The following FAT1 variants were observed in gnomAD, a reference collection of about 807,000 sequenced individuals.
FAT1 encodes the protein protocadherin Fat 1.
FAT1 carries 171 observed loss-of-function variants against 329.8 expected under a neutral mutation model. The observed-to-expected ratio is 0.52, with a 90% CI of 0.46 to 0.59. The LOEUF is 0.59. Among genes scored for constraint, FAT1 ranks in the 20% least tolerant of loss-of-function variants. FAT1 has a pLI of 0.00. For missense variants in FAT1, 5,672 were observed against 5,774.4 expected, an observed-to-expected ratio of 0.98 and a Z score of 0.57; for synonymous variants, 2,233 against 2,228.6, an observed-to-expected ratio of 1.00 and a Z score of -0.06.
chr4:186,611,561 G>A lies in FAT1; in HGVS notation c.9678C>T (p.Asn3226=), dbSNP rs1349541794. ...VIVSVLDIND[N]PPVFEYREYG... ...ATTCACGGTACTCAAACACAGGGGG[G>A]TTGTCATTTATGTCAAGAACTGATA... The change falls in exon 14 of 27, where the codon AAC becomes AAT. Residue 3226 remains asparagine (N), a synonymous_variant. Transcript: ENST00000441802. 2 of 1,613,876 alleles carry A rather than the reference G, an allele frequency of 1.2e-6. No individual in the cohort carries two copies. Among genetic ancestry groups the A allele is most frequent in the South Asian group, 1.1e-5 (1 of 91,060 alleles).
chr4:186,621,064 C>T lies in FAT1; in HGVS notation c.5522G>A (p.Ser1841Asn), dbSNP rs1740021397. The T allele has an allele frequency of 6.2e-7, 1 of 1,613,088 alleles. No homozygotes were observed. Among genetic ancestry groups the T allele is most frequent in the African/African-American group, 1.3e-5 (1 of 74,940 alleles). The change falls in exon 10 of 27, where the codon AGT becomes AAT. Residue 1841 changes from serine to asparagine, a missense_variant. Around this residue, in one of 2 missense-constraint regions of FAT1, gnomAD observed 3,966 missense variants for 3,915.2 expected, o/e 1.01. Coordinates refer to ENST00000441802, the MANE Select transcript of FAT1 (RefSeq NM_005245.4). The stretch of plus-strand genomic sequence containing the variant: ...CACTTGGACGGTAAAGTGAAAAATA[C>T]TTGTTTCTTCATAGTCCAGACTTAG... Reference protein sequence around the residue: ...TVLSLDYEETSIFHFTVQVHD... With the variant: ...TVLSLDYEETNIFHFTVQVHD...
At chr4:186,606,003 G>C (rs1020421537) in intron 17 of FAT1, 67 bp downstream of exon 17, 3 of 1,436,144 alleles carry the variant, frequency 2.1e-6, no homozygotes, top group African/African-American at 2.9e-5. Flanking sequence ...AGAAAGAAAA[G>C]CAACAGAGGC....
intron 3 of FAT1, among the ~76,000 whole-genome samples, chr4:186,646,591 T>C (rs934014081): frequency 6.6e-6 from 1 of 152,178 alleles, no homozygotes; most frequent in Non-Finnish European, 1.5e-5. Flanking sequence ...GCATCTCCAA[T>C]TTCAAATGCT....
rs765758588 is a variant in FAT1, at chr4:186,709,158, C to A, written c.670G>T (p.Ala224Ser). 2.5e-6 allele frequency: 4 copies of A among 1,613,966 alleles called. No individual in the cohort carries two copies. The highest frequency in any genetic ancestry group is 8.5e-7 in the Non-Finnish European group (1 of 1,179,872). Reference protein sequence around the residue: ...ETKLYEMEILAADRGMKLYGS... With the variant: ...ETKLYEMEILSADRGMKLYGS... ...TACAACTTCATGCCACGGTCCGCAG[C>A]GAGGATTTCCATCTCATAGAGCTTG... Residue 224 changes from alanine (A) to serine (S), a missense_variant, in exon 2 of 27, where the codon GCT (alanine) becomes TCT (serine). This residue lies in a region of FAT1 where 3,966 missense variants were observed against 3,915.2 expected (regional missense o/e 1.01). Transcript: ENST00000441802.
At position 186,708,252 on chromosome 4, in the gene FAT1, C is replaced by G. The variant is rs747359804; in HGVS notation, c.1576G>C (p.Asp526His). 6.2e-7 allele frequency: 1 copy of G among 1,613,882 alleles called. No individual in the cohort carries two copies. Among genetic ancestry groups the G allele is most frequent in the African/African-American group, 1.3e-5 (1 of 74,914 alleles). The part of the protein sequence containing the change: ...TGAVSTSENL[D>H]YELMPRVYTL... The stretch of plus-strand genomic sequence containing the variant: ...TAAACCCGAGGCATCAGTTCGTAGT[C>G]CAGGTTTTCTGACGTACTCACGGCA... Residue 526 changes from aspartate to histidine, a missense_variant, in exon 2 of 27, where the codon GAC (aspartate) becomes CAC (histidine). By Grantham distance (81) the Asp-to-His change is moderately conservative (BLOSUM62 -1). This residue lies in a region of FAT1 where 3,966 missense variants were observed against 3,915.2 expected (regional missense o/e 1.01). Transcript: ENST00000441802.
intron 2 of FAT1, among the ~76,000 whole-genome samples, chr4:186,696,895 A>C (rs1462767976): frequency 6.6e-6 from 1 of 152,164 alleles, no homozygotes; most frequent in Non-Finnish European, 1.5e-5. Flanking sequence ...GTGGTGGTGC[A>C]CACCTGTAAT....
In FAT1 at chr4:186,708,220, C is replaced by T. The variant is rs1277509681; in HGVS notation, c.1608G>A (p.Leu536=). The change falls in exon 2 of 27, where the codon CTG becomes CTA. Residue 536 remains leucine (L), a synonymous_variant. Coordinates refer to ENST00000441802, the MANE Select transcript of FAT1 (RefSeq NM_005245.4). ...DYELMPRVYT[L]RIRASDWGLP... is the part of the protein sequence containing the mutation. ...AGCCCCAGTCTGATGCACGAATCCT[C>T]AGAGTATAAACCCGAGGCATCAGTT... 6.2e-7 allele frequency: 1 copy of T among 1,613,992 alleles called. No homozygotes were observed.
chr4:186,726,032 T>C (rs927841110), upstream of FAT1, among the ~76,000 whole-genome samples: 1 of 152,200 alleles, frequency 6.6e-6, no homozygotes, highest in Non-Finnish European at 1.5e-5. Context: ...GCTGCGCCCC[T>C]GCAAATCTCG....
chr4:186,628,832 T>A, intron 7 of FAT1, 69 bp from the exon 8 acceptor site: 1 of 1,454,488 alleles, frequency 6.9e-7, no homozygotes, highest in South Asian at 1.3e-5. Flanking sequence ...TAAAGAACCA[T>A]GAACGAAAGT....
intron 17 of FAT1, among the ~76,000 whole-genome samples, chr4:186,605,076 G>A (rs376293758): frequency 4.9e-4 from 74 of 151,990 alleles, no homozygotes; most frequent in African/African-American, 1.7e-3. Context: ...AAAATTAGCC[G>A]GGCGTGGTGG....
Position 186,651,474 on chromosome 4 carries a change from G to A in FAT1, c.3581-11691C>T, listed in dbSNP as rs546691866. 2.0e-5 allele frequency among the ~76,000 whole-genome samples: 3 copies of A among 152,266 alleles called. No individual in the cohort carries two copies. In the South Asian group the frequency reaches 6.2e-4, roughly 32 times the overall value. On this transcript the variant is annotated intron_variant, in intron 3 of 26. Transcript: ENST00000441802. Reference sequence around the variant, plus strand: ...ACTGCTATGCCTCCTCTTCCAATGGGTGAAAGGGAAAATCCTTCAAATGTG... The same window carrying A: ...ACTGCTATGCCTCCTCTTCCAATGGATGAAAGGGAAAATCCTTCAAATGTG...
At chr4:186,590,394 G>C (rs1173008056) in intron 26 of FAT1, 13 of 1,289,498 alleles carry the variant, frequency 1.0e-5, no homozygotes, top group Non-Finnish European at 1.2e-5. Context: ...GTCAGGAGCA[G>C]CCAAAGATTC....
chr4:186,714,269 T>TGC (rs749305015), intron 1 of FAT1, among the ~76,000 whole-genome samples: 1 of 59,492 alleles, frequency 1.7e-5, no homozygotes, highest in African/African-American at 7.5e-5. Context: ...GGTTGCCTGA[T>TGC]GCTGGAGTGG....
At position 186,589,151 on chromosome 4, in the gene FAT1, T is replaced by C. The variant is rs758757364; in HGVS notation, c.13208A>G (p.Tyr4403Cys). ...PLPDIQEFPN[Y>C]EVIDEQTPLY... is the part of the protein sequence containing the mutation. ...GGGTGTCTGCTCATCAATCACCTCA[T>C]AGTTGGGGAACTCTTGTATGTCCGG... Residue 4403 changes from tyrosine to cysteine, a missense_variant, in exon 27 of 27, where the codon TAT becomes TGT. Coordinates refer to ENST00000441802, the MANE Select transcript of FAT1 (RefSeq NM_005245.4). 2.5e-6 allele frequency: 4 copies of C among 1,613,926 alleles called. No homozygotes were observed. Among genetic ancestry groups the C allele is most frequent in the South Asian group, 2.2e-5 (2 of 91,064 alleles).
At chr4:186,589,748 T>C (rs1738147986) in intron 26 of FAT1, among the ~76,000 whole-genome samples, 1 of 152,170 alleles carries the variant, frequency 6.6e-6, no homozygotes, top group South Asian at 2.1e-4. Context: ...CCCAGGCTGG[T>C]CTTAAACTCC....
At chr4:186,631,264 T>G (rs575575382) in intron 7 of FAT1, among the ~76,000 whole-genome samples, 35 of 152,226 alleles carry the variant, frequency 2.3e-4, no homozygotes, top group Non-Finnish European at 3.2e-4. Flanking sequence ...CGCAGTATCC[T>G]AGTGTCTCAT....
At chr4:186,605,086 G>A (rs1739039379) in intron 17 of FAT1, among the ~76,000 whole-genome samples, 1 of 151,964 alleles carries the variant, frequency 6.6e-6, no homozygotes, top group African/African-American at 2.4e-5. Context: ...GGGCGTGGTG[G>A]TGGGTGCCTG....
In FAT1 at chr4:186,609,313, G is replaced by A. The variant is rs2126457138; in HGVS notation, c.10076C>T (p.Ala3359Val). Residue 3359 changes from alanine (A) to valine (V), a missense_variant, in exon 16 of 27, where the codon GCC becomes GTC. Around this residue, in one of 2 missense-constraint regions of FAT1, gnomAD observed 1,706 missense variants for 1,859.1 expected, o/e 0.92. Coordinates refer to ENST00000441802, the MANE Select transcript of FAT1 (RefSeq NM_005245.4). ...GTTGGAAGGTCCATCGGCATCATCG[G>A]CCATAACCTAGAACACACCACACTC... ...VLEQSVITVM[A>V]DDADGPSNSH... The A allele has an allele frequency of 6.2e-7, 1 of 1,613,874 alleles. No homozygotes were observed. The highest frequency in any genetic ancestry group is 8.5e-7 in the Non-Finnish European group (1 of 1,179,826).
intron 1 of FAT1, among the ~76,000 whole-genome samples, chr4:186,710,806 A>C (rs957785597): frequency 1.3e-5 from 2 of 152,226 alleles, no homozygotes; most frequent in African/African-American, 4.8e-5. Flanking sequence ...AAATCAGTCT[A>C]TTAATACATG....
Sources: allele counts gnomAD v4.1 joint callset (sites outside exome capture counted in the v4.1 genomes callset), GRCh38; gene constraint gnomAD v4.1.1; regional missense constraint gnomAD v4.1.1; transcripts MANE v1.5; gene names NCBI Gene and HGNC (gene_info 2026-07-23, HGNC 2026-07-21).